The following FBP1 variants were observed in gnomAD, a reference collection of about 807,000 sequenced individuals.
The protein encoded by FBP1 is fructose-bisphosphatase 1, also known as fructose-1,6-bisphosphatase 1.
A neutral mutation model predicts 29.9 loss-of-function variants in FBP1; 22 were observed. The observed-to-expected ratio is 0.74, with a 90% CI of 0.53 to 1.05. FBP1 has a LOEUF of 1.05. FBP1 is among the 50% of genes least tolerant of loss of function. FBP1 has a pLI of 0.00. For synonymous variants in FBP1, 175 were observed against 178.6 expected (o/e 0.98, Z 0.16); for missense variants, 345 against 448.2 (o/e 0.77, Z 2.08).
At chr9:94,604,024 T>A in intron 6 of FBP1, 1 of 271,860 alleles carries the variant, frequency 3.7e-6, no homozygotes. Flanking sequence ...CTCCAAACAG[T>A]GTGATATTGT....
chr9:94,629,357 T>C (rs941390086), intron 1 of FBP1, among the ~76,000 whole-genome samples: 8 of 152,132 alleles, frequency 5.3e-5, no homozygotes, highest in Non-Finnish European at 1.2e-4. Flanking sequence ...TCCATGGCCA[T>C]TGAATAGGCA....
chr9:94,613,859 C>T (rs1440337442), intron 3 of FBP1, among the ~76,000 whole-genome samples: 2 of 151,144 alleles, frequency 1.3e-5, no homozygotes, highest in East Asian at 2.0e-4. Context: ...GGGCGGATCA[C>T]GAGGTCAGGA....
Position 94,605,561 on chromosome 9 carries a change from A to G in FBP1, c.721T>C (p.Tyr241His), listed in dbSNP as rs757338386. 22 of 1,613,846 alleles carry G rather than the reference A, an allele frequency of 1.4e-5. No homozygotes were observed. The East Asian group carries it at 2.9e-4, about 21-fold the overall frequency. ...ATGGAGCCCACATACCGGGCCCCAT[A>G]AGGAGCTGAATTATCCTGCAAGTTA... Reference protein sequence around the residue: ...KKFPPDNSAPYGARYVGSMVA... With the variant: ...KKFPPDNSAPHGARYVGSMVA... The change falls in exon 6 of 7, where the codon TAT becomes CAT. Residue 241 changes from tyrosine (Y) to histidine (H), a missense_variant. Coordinates refer to ENST00000375326, the MANE Select transcript of FBP1 (RefSeq NM_000507.4).
chr9:94,616,557 C>T (rs1827866099), intron 3 of FBP1, among the ~76,000 whole-genome samples: 3 of 150,456 alleles, frequency 2.0e-5, no homozygotes, highest in Admixed American at 2.0e-4. Context: ...TCTCCTGCCT[C>T]AGCCTCCCGG....
At chr9:94,610,823 G>C (rs554921878) in intron 3 of FBP1, among the ~76,000 whole-genome samples, 1 of 152,062 alleles carries the variant, frequency 6.6e-6, no homozygotes, top group African/African-American at 2.4e-5. Context: ...CCCTTAAGGA[G>C]ACAGCTCCTA....
rs1828245024 is a variant in FBP1, at chr9:94,639,177, A to G, written c.134T>C (p.Ile45Thr). 1.2e-6 allele frequency: 2 copies of G among 1,605,948 alleles called. No individual in the cohort carries two copies. Among genetic ancestry groups the G allele is most frequent in the African/African-American group, 2.7e-5 (2 of 74,896 alleles). ...LNSLCTAVKA[I>T]SSAVRKAGIA... ...GCCCGCCTTGCGCACCGCCGAAGAG[A>G]TGGCTTTGACTGCTGTGCAGAGCGA... Residue 45 changes from isoleucine (I) to threonine (T), a missense_variant, in exon 1 of 7, where the codon ATC becomes ACC. Physicochemically the swap from Ile to Thr is moderately conservative, Grantham distance 89. Coordinates refer to ENST00000375326, the MANE Select transcript of FBP1 (RefSeq NM_000507.4).
At chr9:94,627,853 C>A (rs1221051186) in intron 1 of FBP1, among the ~76,000 whole-genome samples, 3 of 152,192 alleles carry the variant, frequency 2.0e-5, no homozygotes, top group Non-Finnish European at 4.4e-5. Context: ...GCCAACTGTG[C>A]CTTACAATTA....
At chr9:94,633,280 G>T (rs1193522300) in intron 1 of FBP1, among the ~76,000 whole-genome samples, 6 of 151,856 alleles carry the variant, frequency 4.0e-5, no homozygotes, top group Non-Finnish European at 7.4e-5. Context: ...CTCAACTGAC[G>T]GCTCCCCCTT....
intron 4 of FBP1, among the ~76,000 whole-genome samples, chr9:94,609,517 C>T (rs1260579179): frequency 6.6e-6 from 1 of 152,194 alleles, no homozygotes; most frequent in Non-Finnish European, 1.5e-5. Flanking sequence ...GAAGCCTTGG[C>T]AAGGCGGGCC....
At chr9:94,608,216 GT>G (rs1173744420) in intron 4 of FBP1, among the ~76,000 whole-genome samples, 2 of 152,144 alleles carry the variant, frequency 1.3e-5, no homozygotes, top group Non-Finnish European at 2.9e-5. Context: ...AGCAGAAACC[GT>G]CAGCCTGGCT....
At chr9:94,603,681 G>T (rs540604069) in intron 6 of FBP1, 109 bp from the exon 7 acceptor site, 8 of 996,944 alleles carry the variant, frequency 8.0e-6, no homozygotes, top group Non-Finnish European at 1.3e-5. Context: ...CCAAGGGAAC[G>T]AATACTGTAT....
At chr9:94,637,083 C>T (rs1447150178) in intron 1 of FBP1, among the ~76,000 whole-genome samples, 1 of 152,188 alleles carries the variant, frequency 6.6e-6, no homozygotes, top group Non-Finnish European at 1.5e-5. Context: ...CTTAAGATTT[C>T]ACCTGGGTAT....
chr9:94,632,063 T>G (rs1369273696), intron 1 of FBP1, among the ~76,000 whole-genome samples: 1 of 152,158 alleles, frequency 6.6e-6, no homozygotes, highest in Non-Finnish European at 1.5e-5. Context: ...GTAAAGTTTC[T>G]AAAAGCTTAA....
chr9:94,617,017 G>A (rs139291397), intron 3 of FBP1, among the ~76,000 whole-genome samples: 37 of 152,192 alleles, frequency 2.4e-4, no homozygotes, highest in Middle Eastern at 3.4e-3. Flanking sequence ...CCCGAGCAGG[G>A]CTGGATTCTC....
chr9:94,618,102 C>T (rs1827890664), intron 2 of FBP1, among the ~76,000 whole-genome samples: 1 of 152,008 alleles, frequency 6.6e-6, no homozygotes, highest in Admixed American at 6.6e-5. Context: ...TAATGGAATA[C>T]AGATAAGTCA....
intron 1 of FBP1, among the ~76,000 whole-genome samples, chr9:94,628,334 C>A (rs867133634): frequency 2.0e-5 from 3 of 147,046 alleles, no homozygotes; most frequent in African/African-American, 7.5e-5. Context: ...TGCAGTGAGC[C>A]AAGGTCACAC....
intron 1 of FBP1, among the ~76,000 whole-genome samples, chr9:94,637,408 T>TG (rs965245822): frequency 7.1e-4 from 108 of 151,862 alleles, no homozygotes; most frequent in Non-Finnish European, 1.4e-3. Flanking sequence ...TCTTTTTTTT[T>TG]TTTTTTTAAG....
chr9:94,605,228 C>G (rs948513087), intron 6 of FBP1, among the ~76,000 whole-genome samples: 1 of 152,162 alleles, frequency 6.6e-6, no homozygotes, highest in Non-Finnish European at 1.5e-5. Flanking sequence ...TCGTCCTGAC[C>G]GTTCATTCTC....
Position 94,606,900 on chromosome 9 carries a change from C to A in FBP1, c.620G>T (p.Gly207Val), listed in dbSNP as rs1240497564. 1 of 1,613,976 alleles carries A rather than the reference C, an allele frequency of 6.2e-7. No individual in the cohort carries two copies. Among genetic ancestry groups the A allele is most frequent in the Non-Finnish European group, 8.5e-7 (1 of 1,179,964 alleles). ...VDKDVKIKKK[G>V]KIYSLNEGYA... is the part of the protein sequence containing the mutation. The stretch of plus-strand genomic sequence containing the variant: ...GCCCTCGTTAAGGCTGTAGATTTTA[C>A]CTTTCTTTTTTATCTTCACATCCTT... The change falls in exon 5 of 7, where the codon GGT (glycine) becomes GTT (valine). Residue 207 changes from glycine to valine, a missense_variant. Coordinates refer to ENST00000375326, the MANE Select transcript of FBP1 (RefSeq NM_000507.4).
Sources: allele counts gnomAD v4.1 joint callset (sites outside exome capture counted in the v4.1 genomes callset), GRCh38; gene constraint gnomAD v4.1.1; transcripts MANE v1.5; gene names NCBI Gene and HGNC (gene_info 2026-07-23, HGNC 2026-07-21).